Variants in SLC9A9 observed in about 807,000 individuals in gnomAD.
SLC9A9 encodes solute carrier family 9 member A9.
A neutral mutation model predicts 77.8 loss-of-function variants in SLC9A9; 62 were observed. The ratio of observed to expected loss-of-function variants is 0.80; its 90% CI spans 0.65 to 0.98. The LOEUF is 0.98. SLC9A9 is among the 50% of genes least tolerant of loss of function. The pLI is 0.00. For synonymous variants in SLC9A9, 320 were observed against 283.5 expected (o/e 1.13, Z -1.29); for missense variants, 775 against 774.9 (o/e 1.00, Z 0.00).
chr3:143,425,777 CTCATT>C (rs2034393547), intron 12 of SLC9A9, among the ~76,000 whole-genome samples: 1 of 152,170 alleles, frequency 6.6e-6, no homozygotes, highest in South Asian at 2.1e-4. Context: ...TTTTTACTCT[CTCATT>C]TGACAGTCCT....
intron 12 of SLC9A9, among the ~76,000 whole-genome samples, chr3:143,386,866 A>G (rs1305757965): frequency 6.6e-6 from 1 of 152,174 alleles, no homozygotes; most frequent in Non-Finnish European, 1.5e-5. Flanking sequence ...TTTGAGACAC[A>G]GTCTCATTCT....
chr3:143,475,723 CA>C (rs2035465145), intron 11 of SLC9A9, among the ~76,000 whole-genome samples: 2 of 149,628 alleles, frequency 1.3e-5, no homozygotes, highest in East Asian at 4.0e-4. Context: ...ACCTGGGAGG[CA>C]GAGCTTGCAG....
rs142277125 is a variant in SLC9A9, at chr3:143,760,452, G to A, written c.533+34549C>T. Among the ~76,000 whole-genome samples, 200 of 152,244 alleles carry A rather than the reference G, an allele frequency of 1.3e-3. 3 individuals carry two copies. In the East Asian group the frequency reaches 0.015, roughly 11 times the overall value. ...GATTGTATAGCTAGAAAACCCCATC[G>A]TCTCAGCCCAAAATCTCCTTAAGTT... On this transcript the variant is annotated intron_variant, in intron 4 of 15. Coordinates refer to ENST00000316549, the MANE Select transcript of SLC9A9 (RefSeq NM_173653.4).
At chr3:143,376,894 G>C (rs1394601316) in intron 13 of SLC9A9, among the ~76,000 whole-genome samples, 1 of 152,178 alleles carries the variant, frequency 6.6e-6, no homozygotes, top group East Asian at 1.9e-4. Context: ...ATCAAATTTT[G>C]AGACTCGTAT....
intron 13 of SLC9A9, among the ~76,000 whole-genome samples, chr3:143,381,148 A>G (rs1458673928): frequency 2.0e-5 from 3 of 152,174 alleles, no homozygotes; most frequent in Non-Finnish European, 4.4e-5. Context: ...TGGAGAATGC[A>G]TTTCCCCTAC....
intron 8 of SLC9A9, among the ~76,000 whole-genome samples, chr3:143,559,124 C>G (rs954213154): frequency 3.3e-5 from 5 of 152,310 alleles, no homozygotes; most frequent in Admixed American, 2.6e-4. Context: ...TTGTAAGTTT[C>G]CTGAGGCCTC....
intron 9 of SLC9A9, among the ~76,000 whole-genome samples, chr3:143,548,363 GGTTCATGGGGTCT>G (rs2036822805): frequency 6.6e-6 from 1 of 152,060 alleles, no homozygotes; most frequent in South Asian, 2.1e-4. Flanking sequence ...CATCTGAGTG[GGTTCATGGGGTCT>G]GTACATAGTC....
intron 14 of SLC9A9, among the ~76,000 whole-genome samples, chr3:143,347,985 A>G (rs6779058): frequency 0.16 from 24,205 of 151,866 alleles, 1,991 homozygotes; most frequent in South Asian, 0.2. Context: ...AAACCAGCTC[A>G]GTCGAAAGCT....
chr3:143,499,443 T>C (rs1308246497), intron 9 of SLC9A9, among the ~76,000 whole-genome samples: 1 of 152,170 alleles, frequency 6.6e-6, no homozygotes, highest in Non-Finnish European at 1.5e-5. Context: ...TAATGTTCAT[T>C]GCTAGATTCA....
At chr3:143,279,173 TG>T (rs1305620812) in intron 14 of SLC9A9, among the ~76,000 whole-genome samples, 1 of 152,214 alleles carries the variant, frequency 6.6e-6, no homozygotes, top group Non-Finnish European at 1.5e-5. Flanking sequence ...TTCTGGCTTC[TG>T]GAGCCCTAGG....
intron 14 of SLC9A9, among the ~76,000 whole-genome samples, chr3:143,359,305 G>A (rs75677372): frequency 3.9e-5 from 6 of 152,142 alleles, no homozygotes; most frequent in Non-Finnish European, 1.5e-5. Context: ...CCCAATTTCT[G>A]TCTATGGAAG....
rs558797109 is a variant in SLC9A9 at position 143,368,683 on chromosome 3, C to G, written c.1525-5120G>C. 3.0e-4 allele frequency among the ~76,000 whole-genome samples: 45 copies of G among 152,246 alleles called. 2 individuals carry two copies. In the South Asian group the frequency reaches 9.1e-3, roughly 31 times the overall value. Reference sequence around the variant, plus strand: ...TCCAAGGAACTTTTTAAGGTAGTACCTGTGAATAGAATTTGCTATCAATAC... The same window carrying G: ...TCCAAGGAACTTTTTAAGGTAGTACGTGTGAATAGAATTTGCTATCAATAC... On this transcript the variant is annotated intron_variant, in intron 13 of 15. Coordinates refer to ENST00000316549, the MANE Select transcript of SLC9A9 (RefSeq NM_173653.4).
intron 6 of SLC9A9, among the ~76,000 whole-genome samples, chr3:143,611,571 G>T (rs937719859): frequency 5.9e-5 from 9 of 152,208 alleles, no homozygotes; most frequent in African/African-American, 2.2e-4. Context: ...TACAGCAGTA[G>T]ATTTCTGAAA....
chr3:143,335,973 G>A lies in SLC9A9; in HGVS notation c.1604+27511C>T, dbSNP rs577899648. On this transcript the variant is annotated intron_variant, in intron 14 of 15. Transcript: ENST00000316549. ...ATCAAATGAAACAGACAACAAAAAAGGCAACCAATGGAATGGAAGAAAATA... is the reference window on the plus strand; with the variant it reads ...ATCAAATGAAACAGACAACAAAAAAAGCAACCAATGGAATGGAAGAAAATA... Among the ~76,000 whole-genome samples, 26 of 152,100 alleles carry A rather than the reference G, an allele frequency of 1.7e-4. 1 individual carries two copies. The East Asian group carries it at 4.8e-3, about 28-fold the overall frequency.
chr3:143,347,156 G>A (rs1313180005), intron 14 of SLC9A9: 1 of 152,082 alleles, frequency 6.6e-6, no homozygotes, highest in Non-Finnish European at 1.5e-5. Context: ...GTGAGGCTAC[G>A]AGATGACAGG....
chr3:143,565,526 G>A (rs1257433755), intron 8 of SLC9A9, among the ~76,000 whole-genome samples: 2 of 152,140 alleles, frequency 1.3e-5, no homozygotes, highest in Non-Finnish European at 2.9e-5. Context: ...GAGCTATTTG[G>A]TTCAAGGAAG....
intron 1 of SLC9A9, chr3:143,847,736 C>A: frequency 5.0e-6 from 1 of 198,788 alleles, no homozygotes; most frequent in Non-Finnish European, 1.1e-5. Context: ...AGAGGAATTA[C>A]TCCAGGCATT....
At position 143,437,492 on chromosome 3, in the gene SLC9A9, C is replaced by T. The variant is rs538842058; in HGVS notation, c.1469+29545G>A. Among the ~76,000 whole-genome samples the T allele has an allele frequency of 2.6e-5, 4 of 152,360 alleles. No homozygotes were observed. The South Asian group carries it at 8.3e-4, about 32-fold the overall frequency. On this transcript the variant is annotated intron_variant, in intron 12 of 15. Transcript: ENST00000316549. ...TCCCTCAGACTATTACTGCGTCCTG[C>T]TTCCTTTGAGGCACGATAGTGTATT... is the stretch of plus-strand genomic sequence containing the variant.
chr3:143,407,016 A>C (rs1004972032), intron 12 of SLC9A9, among the ~76,000 whole-genome samples: 1 of 151,806 alleles, frequency 6.6e-6, no homozygotes, highest in African/African-American at 2.4e-5. Context: ...AAGAAAAAAT[A>C]CCAAATTAAT....
Sources: allele counts gnomAD v4.1 joint callset (sites outside exome capture counted in the v4.1 genomes callset), GRCh38; gene constraint gnomAD v4.1.1; transcripts MANE v1.5; gene names NCBI Gene and HGNC (gene_info 2026-07-23, HGNC 2026-07-21).